Variants in ATG10 observed in about 807,000 individuals in gnomAD.
ATG10 encodes autophagy related 10, also known as ubiquitin-like-conjugating enzyme ATG10.
In ATG10, 30 loss-of-function variants were observed where a neutral mutation model predicts 32.1. The ratio of observed to expected loss-of-function variants is 0.94; its 90% CI spans 0.70 to 1.27. The LOEUF is 1.27. ATG10 is among the 50% of genes most tolerant of loss of function. The pLI is 0.00. For missense variants in ATG10, 233 were observed against 262.3 expected (o/e 0.89, Z 0.77); for synonymous variants, 87 against 91.5 (o/e 0.95, Z 0.28).
chr5:81,983,981 G>T (rs1761171472), intron 1 of ATG10, among the ~76,000 whole-genome samples: 1 of 151,400 alleles, frequency 6.6e-6, no homozygotes, highest in South Asian at 2.1e-4. Flanking sequence ...TTCCTAGATG[G>T]GATGGCGGCC....
chr5:82,057,191 G>A (rs1376771400), intron 2 of ATG10, among the ~76,000 whole-genome samples: 1 of 152,194 alleles, frequency 6.6e-6, no homozygotes, highest in East Asian at 1.9e-4. Flanking sequence ...AGAGCTGGCT[G>A]TTTGTCAGCA....
intron 3 of ATG10, among the ~76,000 whole-genome samples, chr5:82,133,695 T>G (rs1766628808): frequency 6.6e-6 from 1 of 152,160 alleles, no homozygotes. Context: ...AGGATTGTCT[T>G]GGCTATGAGG....
intron 5 of ATG10, among the ~76,000 whole-genome samples, chr5:82,206,355 A>T (rs912090417): frequency 2.6e-5 from 4 of 152,132 alleles, no homozygotes; most frequent in African/African-American, 4.8e-5. Flanking sequence ...ACTGATTTTT[A>T]AAAAACTTCT....
At chr5:82,100,772 G>GTTTTTTT (rs61096885) in intron 3 of ATG10, among the ~76,000 whole-genome samples, 2 of 113,974 alleles carry the variant, frequency 1.8e-5, no homozygotes, top group Non-Finnish European at 3.5e-5. Flanking sequence ...ACAAGAACTA[G>GTTTTTTT]TTTTTTTTTT....
intron 4 of ATG10, among the ~76,000 whole-genome samples, chr5:82,167,677 G>T (rs557531171): frequency 5.3e-5 from 8 of 152,282 alleles, no homozygotes; most frequent in African/African-American, 1.7e-4. Context: ...TCAAAAGTGG[G>T]TATCCAAACT....
At chr5:82,193,512 G>A (rs1008767850) in intron 5 of ATG10, among the ~76,000 whole-genome samples, 1 of 152,196 alleles carries the variant, frequency 6.6e-6, no homozygotes, top group African/African-American at 2.4e-5. Context: ...CTCTACTGGA[G>A]GATAGTCAGA....
intron 5 of ATG10, among the ~76,000 whole-genome samples, chr5:82,236,346 G>A (rs1280312503): frequency 6.6e-6 from 1 of 152,090 alleles, no homozygotes; most frequent in East Asian, 1.9e-4. Context: ...ATTAAATTAT[G>A]TACAACAAAT....
chr5:82,221,552 T>G (rs960168178), intron 5 of ATG10, among the ~76,000 whole-genome samples: 6 of 152,114 alleles, frequency 3.9e-5, no homozygotes, highest in African/African-American at 1.4e-4. Context: ...TGTCTTGGTG[T>G]GGCCACCATC....
chr5:82,100,459 G>T (rs982076053), intron 3 of ATG10, among the ~76,000 whole-genome samples: 2 of 152,116 alleles, frequency 1.3e-5, no homozygotes, highest in Admixed American at 1.3e-4. Flanking sequence ...GTTGGGGAAG[G>T]TGGCTTCCTG....
At chr5:82,124,493 C>T (rs1766180804) in intron 3 of ATG10, among the ~76,000 whole-genome samples, 1 of 151,588 alleles carries the variant, frequency 6.6e-6, no homozygotes, top group Admixed American at 6.6e-5. Flanking sequence ...TGTTCCCCTC[C>T]CTGTGCCGTG....
chr5:82,182,907 T>A (rs79734239), intron 5 of ATG10, among the ~76,000 whole-genome samples: 1,643 of 152,162 alleles, frequency 0.011, 37 homozygotes, highest in African/African-American at 0.037. Context: ...GTCATTTTTT[T>A]AAATTTTTAT....
chr5:81,982,639 T>C (rs1282508618), intron 1 of ATG10, among the ~76,000 whole-genome samples: 1 of 151,764 alleles, frequency 6.6e-6, no homozygotes, highest in African/African-American at 2.4e-5. Context: ...CATAGGACAA[T>C]AGTGGAGGGA....
chr5:82,142,004 T>G (rs1290610110), intron 3 of ATG10, among the ~76,000 whole-genome samples: 1 of 152,264 alleles, frequency 6.6e-6, no homozygotes, highest in African/African-American at 2.4e-5. Context: ...TTCATTTTAA[T>G]GCCTTGACTT....
At chr5:82,152,792 G>A (rs1767656013) in intron 3 of ATG10, among the ~76,000 whole-genome samples, 1 of 152,014 alleles carries the variant, frequency 6.6e-6, no homozygotes, top group Non-Finnish European at 1.5e-5. Context: ...TTGATCAAGA[G>A]GTAAATATAC....
At chr5:82,086,569 T>G (rs1170922443) in intron 3 of ATG10, among the ~76,000 whole-genome samples, 1 of 152,156 alleles carries the variant, frequency 6.6e-6, no homozygotes, top group Non-Finnish European at 1.5e-5. Flanking sequence ...TCAGGATAGT[T>G]GGACTTCTTA....
At chr5:82,165,419 T>C (rs76705380) in intron 4 of ATG10, among the ~76,000 whole-genome samples, 2,325 of 152,370 alleles carry the variant, frequency 0.015, 41 homozygotes, top group African/African-American at 0.051. Flanking sequence ...TGCTTGAATG[T>C]ATGTTTGGTA....
chr5:82,226,157 G>A (rs1746122977), intron 5 of ATG10, among the ~76,000 whole-genome samples: 2 of 152,166 alleles, frequency 1.3e-5, no homozygotes, highest in East Asian at 1.9e-4. Flanking sequence ...AAGTAAGTGT[G>A]TTAACTTTTT....
At chr5:82,175,977 T>G (rs1476293597) in intron 4 of ATG10, among the ~76,000 whole-genome samples, 1 of 152,100 alleles carries the variant, frequency 6.6e-6, no homozygotes, top group Non-Finnish European at 1.5e-5. Flanking sequence ...TCACAAAGGC[T>G]TGGAACAGAT....
chr5:82,077,571 ATT>A (rs550996338), intron 3 of ATG10, among the ~76,000 whole-genome samples: 2 of 150,136 alleles, frequency 1.3e-5, no homozygotes, highest in Non-Finnish European at 3.0e-5. Context: ...AGATTAAAAA[ATT>A]TTTTTTTTTT....
Sources: allele counts gnomAD v4.1 joint callset (sites outside exome capture counted in the v4.1 genomes callset), GRCh38; gene constraint gnomAD v4.1.1; transcripts MANE v1.5; gene names NCBI Gene and HGNC (gene_info 2026-07-23, HGNC 2026-07-21).